FRAS1: variants seen among roughly 807,000 people sequenced by gnomAD.
FRAS1 encodes the protein extracellular matrix organizing protein FRAS1.
In FRAS1, 290 loss-of-function variants were observed where a neutral mutation model predicts 435.2. The ratio of observed to expected loss-of-function variants is 0.67; its 90% CI spans 0.61 to 0.73. The LOEUF is 0.73. Ranked by LOEUF, FRAS1 falls within the 30% of genes least tolerant of loss-of-function variation. FRAS1 has a pLI of 0.00. For synonymous variants in FRAS1, 1,800 were observed against 1,851.0 expected, an observed-to-expected ratio of 0.97 and a Z score of 0.71; for missense variants, 4,860 against 5,001.5, an observed-to-expected ratio of 0.97 and a Z score of 0.85.
At chr4:78,469,051 T>C (rs888428989) in intron 50 of FRAS1, among the ~76,000 whole-genome samples, 1 of 152,226 alleles carries the variant, frequency 6.6e-6, no homozygotes, top group Non-Finnish European at 1.5e-5. Context: ...TGGCAAGTCA[T>C]CACTCTTGTT....
At chr4:78,292,608 A>G (rs1174703569) in intron 14 of FRAS1, among the ~76,000 whole-genome samples, 1 of 152,216 alleles carries the variant, frequency 6.6e-6, no homozygotes, top group East Asian at 1.9e-4. Flanking sequence ...GTTCCAACAC[A>G]TGACTTATCC....
At position 78,057,897 on chromosome 4, in the gene FRAS1, C is replaced by A; in HGVS notation, c.-113C>A. ...TCTTTTTCCCGGAGGTAAAGGCCCG[C>A]GGTCCCCCACCTTCAGTGCGCCCGG... On this transcript the variant is annotated 5_prime_UTR_variant, in exon 1 of 74. Coordinates refer to ENST00000512123, the MANE Select transcript of FRAS1 (RefSeq NM_025074.7). This position sits in a 1 kb window ranked among gnomAD's most constrained non-coding sequence, Gnocchi z 4.2. 4 of 889,968 alleles carry A rather than the reference C, an allele frequency of 4.5e-6. No individual in the cohort carries two copies. Among genetic ancestry groups the A allele is most frequent in the Non-Finnish European group, 7.2e-6 (4 of 557,486 alleles). The allele number at this position is 889,968 out of a possible 1,614,324, so 55.1% of individuals were successfully genotyped here. A position where few individuals can be genotyped will look rare whatever the true frequency, so the allele number is the denominator to read the frequency against.
At chr4:78,501,632 G>A (rs1440246129) in intron 61 of FRAS1, among the ~76,000 whole-genome samples, 3 of 152,118 alleles carry the variant, frequency 2.0e-5, no homozygotes, top group Non-Finnish European at 1.5e-5. Context: ...AATCTGTTGT[G>A]TCCTGACTTT....
chr4:78,443,101 C>A (rs1309331814), intron 41 of FRAS1, among the ~76,000 whole-genome samples: 1 of 152,318 alleles, frequency 6.6e-6, no homozygotes, highest in Non-Finnish European at 1.5e-5. Context: ...GTCATTTCAG[C>A]ACTTTGGGAG....
chr4:78,516,134 T>A (rs1205276062), intron 66 of FRAS1, 121 bp downstream of exon 66: 1 of 707,158 alleles, frequency 1.4e-6, no homozygotes, highest in Non-Finnish European at 2.3e-6. Flanking sequence ...ACTAAGGGAG[T>A]CTTCTTTATA....
In FRAS1 at chr4:78,450,345, C is replaced by T; in HGVS notation, c.6463+6C>T. 6.2e-7 allele frequency: 1 copy of T among 1,613,258 alleles called. No homozygotes were observed. Among genetic ancestry groups the T allele is most frequent in the East Asian group, 2.2e-5 (1 of 44,874 alleles). On this transcript the variant is annotated splice_donor_region_variant and intron_variant, in intron 45 of 73. Transcript: ENST00000512123. ...CCAGGCAGACATTAGCCAAGGTCAGCCAGTTCTCTTCTGCCTACCAGGCTT... is the reference window on the plus strand; with the variant it reads ...CCAGGCAGACATTAGCCAAGGTCAGTCAGTTCTCTTCTGCCTACCAGGCTT...
At chr4:78,181,246 C>T in intron 2 of FRAS1, 2 of 1,609,300 alleles carry the variant, frequency 1.2e-6, no homozygotes, top group South Asian at 2.2e-5. Flanking sequence ...TTGGACCCTC[C>T]TCTTTTACCT....
At chr4:78,508,106 AC>A (rs757061584) in intron 62 of FRAS1, among the ~76,000 whole-genome samples, 1 of 152,204 alleles carries the variant, frequency 6.6e-6, no homozygotes, top group Non-Finnish European at 1.5e-5. Context: ...AGAATTAAGT[AC>A]CTGTGGGAAG....
chr4:78,371,543 C>A (rs1486626585), intron 23 of FRAS1, among the ~76,000 whole-genome samples: 2 of 152,128 alleles, frequency 1.3e-5, no homozygotes, highest in Non-Finnish European at 2.9e-5. Flanking sequence ...ACATTTTATT[C>A]TTCTTAACAT....
At chr4:78,430,510 G>A (rs954491135) in intron 37 of FRAS1, 93 bp downstream of exon 37, 24 of 1,329,186 alleles carry the variant, frequency 1.8e-5, no homozygotes, top group Admixed American at 9.9e-5. Flanking sequence ...AGAGCAAAGC[G>A]TCTTTGTGAT....
intron 2 of FRAS1, among the ~76,000 whole-genome samples, chr4:78,113,496 C>A (rs897395411): frequency 2.6e-5 from 4 of 152,110 alleles, no homozygotes; most frequent in Non-Finnish European, 5.9e-5. Flanking sequence ...CCTGTTGTTT[C>A]CTGACTTTTT....
chr4:78,296,518 T>C (rs1728152212), intron 14 of FRAS1, among the ~76,000 whole-genome samples: 2 of 152,162 alleles, frequency 1.3e-5, no homozygotes, highest in Admixed American at 6.5e-5. Flanking sequence ...GGGCTGTGAC[T>C]GGGGAGGAGG....
At chr4:78,314,488 C>A (rs955026645) in intron 15 of FRAS1, among the ~76,000 whole-genome samples, 1 of 152,160 alleles carries the variant, frequency 6.6e-6, no homozygotes, top group African/African-American at 2.4e-5. Context: ...TCTTCCAATG[C>A]GGTTTCCAAC....
At chr4:78,527,652 G>A (rs926461261) in intron 70 of FRAS1, among the ~76,000 whole-genome samples, 1 of 152,156 alleles carries the variant, frequency 6.6e-6, no homozygotes, top group African/African-American at 2.4e-5. Context: ...AGGTTTGGTG[G>A]ACTAAAGGGG....
chr4:78,370,183 C>T (rs913606753), intron 23 of FRAS1, among the ~76,000 whole-genome samples, 199 bp downstream of exon 23: 2 of 152,136 alleles, frequency 1.3e-5, no homozygotes, highest in Non-Finnish European at 2.9e-5. Context: ...TTTTTGAGCA[C>T]CTATTTGTGT....
chr4:78,505,727 C>T (rs945033462), intron 61 of FRAS1, among the ~76,000 whole-genome samples: 1 of 149,956 alleles, frequency 6.7e-6, no homozygotes, highest in Non-Finnish European at 1.5e-5. Context: ...AAGCCTACTT[C>T]TGTCAACTCG....
intron 56 of FRAS1, among the ~76,000 whole-genome samples, chr4:78,479,966 A>G (rs996556907): frequency 6.6e-6 from 1 of 152,176 alleles, no homozygotes; most frequent in African/African-American, 2.4e-5. Context: ...GTAAGTGTAT[A>G]TATTTATGGA....
At chr4:78,499,099 T>G (rs1351911832) in intron 60 of FRAS1, among the ~76,000 whole-genome samples, 1 of 152,150 alleles carries the variant, frequency 6.6e-6, no homozygotes, top group East Asian at 1.9e-4. Flanking sequence ...CAGGATTCCA[T>G]TAGGAAATCT....
At chr4:78,264,315 T>G (rs1033958049) in intron 6 of FRAS1, among the ~76,000 whole-genome samples, 13 of 152,004 alleles carry the variant, frequency 8.6e-5, no homozygotes, top group African/African-American at 1.5e-4. Flanking sequence ...GGACATAGAG[T>G]AGCTGGGAAA....
Sources: gnomAD v4.1 joint callset for allele counts (sites outside exome capture counted in the v4.1 genomes callset) on GRCh38, gnomAD v4.1.1 for gene constraint, Gnocchi (gnomAD v3.1) non-coding constraint, MANE v1.5 for transcripts, NCBI Gene and HGNC (gene_info 2026-07-23, HGNC 2026-07-21) for gene names.